The following NRG3 variants were observed in gnomAD, a reference collection of about 807,000 sequenced individuals.
NRG3 encodes neuregulin 3.
A neutral mutation model predicts 66.9 loss-of-function variants in NRG3; 31 were observed. That is an observed-to-expected ratio of 0.46 (90% CI 0.35 to 0.63). NRG3 has a LOEUF of 0.63. NRG3 is among the 20% of genes least tolerant of loss of function. The pLI is 0.00. For synonymous variants in NRG3, 393 were observed against 359.4 expected (o/e 1.09, Z -1.06); for missense variants, 910 against 878.9 (o/e 1.04, Z -0.45).
At chr10:82,984,855 G>A in intron 8 of NRG3, 1 of 1,494,230 alleles carries the variant, frequency 6.7e-7, no homozygotes, top group Non-Finnish European at 9.2e-7. Context: ...TGGACTTAAA[G>A]TAAGAAGATC....
In NRG3 at chr10:82,188,608, A is replaced by G. The variant is rs2073950893; in HGVS notation, c.824-170131A>G. 2.0e-5 allele frequency among the ~76,000 whole-genome samples: 3 copies of G among 152,136 alleles called. No individual in the cohort carries two copies. The South Asian group carries it at 6.2e-4, about 31-fold the overall frequency. ...GGAGCTCAAACAACTCTATAGGAAA[A>G]AATATCTAATAATCTGGTCAAAAAA... is the stretch of plus-strand genomic sequence containing the variant. On this transcript the variant is annotated intron_variant, in intron 1 of 8. Transcript: ENST00000372141.
chr10:82,692,430 C>T (rs2055011908), intron 2 of NRG3, among the ~76,000 whole-genome samples: 1 of 152,176 alleles, frequency 6.6e-6, no homozygotes, highest in Non-Finnish European at 1.5e-5. Flanking sequence ...TGCTCCTTAG[C>T]TCAGCTAATC....
chr10:82,332,747 T>G (rs1589748533), intron 1 of NRG3, among the ~76,000 whole-genome samples: 1 of 152,324 alleles, frequency 6.6e-6, no homozygotes, highest in East Asian at 1.9e-4. Flanking sequence ...GTCTCTGATG[T>G]GATCCATTTG....
chr10:81,915,925 A>G (rs1845664646), intron 1 of NRG3, among the ~76,000 whole-genome samples: 1 of 152,192 alleles, frequency 6.6e-6, no homozygotes, highest in African/African-American at 2.4e-5. Flanking sequence ...TGAGAGATAC[A>G]TAGAAATATA....
chr10:82,869,534 A>C (rs1274745014), intron 4 of NRG3, among the ~76,000 whole-genome samples: 1 of 151,360 alleles, frequency 6.6e-6, no homozygotes, highest in Non-Finnish European at 1.5e-5. Context: ...CTTTCTAGTC[A>C]TCCTTGCCTT....
chr10:82,400,055 A>G (rs1018207130), intron 2 of NRG3, among the ~76,000 whole-genome samples: 3 of 152,192 alleles, frequency 2.0e-5, no homozygotes, highest in Non-Finnish European at 2.9e-5. Flanking sequence ...AGCAAACACT[A>G]TATCTGATCG....
At chr10:81,902,425 G>A (rs1844167810) in intron 1 of NRG3, among the ~76,000 whole-genome samples, 1 of 152,088 alleles carries the variant, frequency 6.6e-6, no homozygotes, top group Non-Finnish European at 1.5e-5. Context: ...ATGTAATTAG[G>A]TCATGAGGGT....
At chr10:82,135,913 C>G (rs1028086529) in intron 1 of NRG3, among the ~76,000 whole-genome samples, 5 of 152,044 alleles carry the variant, frequency 3.3e-5, no homozygotes, top group African/African-American at 1.2e-4. Flanking sequence ...TCGTCAATGT[C>G]TAGGCATTGA....
At chr10:82,522,260 G>A (rs527991961) in intron 2 of NRG3, among the ~76,000 whole-genome samples, 1 of 152,070 alleles carries the variant, frequency 6.6e-6, no homozygotes, top group African/African-American at 2.4e-5. Context: ...GGCCAGGCTG[G>A]TCTTGGGCTC....
intron 5 of NRG3, among the ~76,000 whole-genome samples, chr10:82,952,765 C>A (rs1401472263): frequency 6.6e-6 from 1 of 151,700 alleles, no homozygotes; most frequent in Non-Finnish European, 1.5e-5. Context: ...TTTGTGATAC[C>A]TGTCTGCATG....
At chr10:82,493,168 G>C (rs958745491) in intron 2 of NRG3, among the ~76,000 whole-genome samples, 3 of 152,028 alleles carry the variant, frequency 2.0e-5, no homozygotes, top group South Asian at 2.1e-4. Context: ...AGGATGTGCA[G>C]GTTTGTTACA....
chr10:82,411,530 A>C (rs1197749162), intron 2 of NRG3, among the ~76,000 whole-genome samples: 2 of 152,118 alleles, frequency 1.3e-5, no homozygotes, highest in Admixed American at 1.3e-4. Flanking sequence ...AAACGTTCAA[A>C]TCTACTGATA....
chr10:81,880,050 A>T (rs1842040195), intron 1 of NRG3, among the ~76,000 whole-genome samples: 1 of 152,210 alleles, frequency 6.6e-6, no homozygotes, highest in African/African-American at 2.4e-5. Context: ...CACAGGCTGC[A>T]ACCTGAGTAT....
chr10:82,373,293 A>G (rs543739675), intron 2 of NRG3, among the ~76,000 whole-genome samples: 44 of 152,366 alleles, frequency 2.9e-4, no homozygotes, highest in Non-Finnish European at 4.4e-4. Flanking sequence ...TCCAAAATAC[A>G]GTTATAGCTA....
intron 1 of NRG3, among the ~76,000 whole-genome samples, chr10:82,313,197 C>T (rs879656513): frequency 3.3e-5 from 5 of 151,634 alleles, no homozygotes; most frequent in Non-Finnish European, 7.4e-5. Flanking sequence ...ATTAGCTGGG[C>T]ATGGTGGTGT....
chr10:82,422,687 T>A (rs958779028), intron 2 of NRG3, among the ~76,000 whole-genome samples: 1 of 152,012 alleles, frequency 6.6e-6, no homozygotes, highest in African/African-American at 2.4e-5. Context: ...TTTAGCTATG[T>A]CAGTGGTCAG....
At chr10:82,077,222 C>T (rs553859360) in intron 1 of NRG3, among the ~76,000 whole-genome samples, 6 of 152,246 alleles carry the variant, frequency 3.9e-5, no homozygotes, top group African/African-American at 1.4e-4. Context: ...GAAAATAGTG[C>T]TCATTGCACA....
chr10:82,194,762 C>G (rs767593304), intron 1 of NRG3, among the ~76,000 whole-genome samples: 2 of 152,100 alleles, frequency 1.3e-5, no homozygotes, highest in Middle Eastern at 3.2e-3. Flanking sequence ...ATATTATTAT[C>G]CTGTTATTTG....
At chr10:82,923,503 T>C (rs1401588007) in intron 4 of NRG3, among the ~76,000 whole-genome samples, 1 of 152,246 alleles carries the variant, frequency 6.6e-6, no homozygotes, top group Non-Finnish European at 1.5e-5. Flanking sequence ...TGTCTGTTCA[T>C]GTTAGAGTTA....
Sources: allele counts gnomAD v4.1 joint callset (sites outside exome capture counted in the v4.1 genomes callset), GRCh38; gene constraint gnomAD v4.1.1; transcripts MANE v1.5; gene names NCBI Gene and HGNC (gene_info 2026-07-23, HGNC 2026-07-21).